The following CSMD2 variants were observed in gnomAD, a reference collection of about 807,000 sequenced individuals.
CSMD2 encodes CUB and Sushi multiple domains 2.
Under a neutral mutation model 398.5 loss-of-function variants are expected in CSMD2, and 130 were observed. The observed-to-expected ratio is 0.33, with a 90% CI of 0.28 to 0.38. The LOEUF (loss-of-function observed/expected upper bound fraction) is 0.38, where lower values mean the gene tolerates loss of function less well. Among genes scored for constraint, CSMD2 ranks in the 10% least tolerant of loss-of-function variants. CSMD2 has a pLI of 1.00. For synonymous variants in CSMD2, 1,828 were observed against 1,908.5 expected (o/e 0.96, Z 1.10); for missense variants, 3,829 against 4,764.9 (o/e 0.80, Z 5.78).
chr1:33,789,669 G>T (rs1186875122), intron 11 of CSMD2, among the ~76,000 whole-genome samples: 1 of 152,248 alleles, frequency 6.6e-6, no homozygotes, highest in African/African-American at 2.4e-5. Flanking sequence ...TTGGGAGGCT[G>T]TTGAGTCAGC....
intron 19 of CSMD2, among the ~76,000 whole-genome samples, chr1:33,721,931 A>G (rs1394205289): frequency 2.0e-5 from 3 of 152,224 alleles, no homozygotes; most frequent in African/African-American, 7.2e-5. Context: ...CTATGCAAAC[A>G]AGGATGTCTT....
intron 2 of CSMD2, among the ~76,000 whole-genome samples, chr1:34,087,985 C>A (rs927481513): frequency 2.6e-5 from 4 of 152,068 alleles, no homozygotes; most frequent in African/African-American, 9.7e-5. Context: ...CCCAGATGCC[C>A]CCCCGCCTCT....
intron 25 of CSMD2, among the ~76,000 whole-genome samples, chr1:33,675,081 T>C (rs1644655696): frequency 1.3e-5 from 2 of 152,138 alleles, no homozygotes; most frequent in Non-Finnish European, 2.9e-5. Flanking sequence ...ATTCAAAAGC[T>C]AGCAGAAGGC....
At chr1:33,952,275 T>C (rs1319698950) in intron 3 of CSMD2, among the ~76,000 whole-genome samples, 1 of 151,892 alleles carries the variant, frequency 6.6e-6, no homozygotes, top group Non-Finnish European at 1.5e-5. Flanking sequence ...ACAGAACCAG[T>C]GGTATTAAGC....
intron 2 of CSMD2, among the ~76,000 whole-genome samples, chr1:34,070,566 G>A (rs978654609): frequency 1.3e-5 from 2 of 152,182 alleles, no homozygotes; most frequent in African/African-American, 4.8e-5. Flanking sequence ...AACATAATGC[G>A]CCTGAGAAGC....
At chr1:33,691,459 T>G (rs369935230) in intron 25 of CSMD2, among the ~76,000 whole-genome samples, 2 of 152,342 alleles carry the variant, frequency 1.3e-5, no homozygotes. Flanking sequence ...TTTGTACATA[T>G]TAAATACTTA....
At chr1:33,823,191 T>C (rs983750288) in intron 7 of CSMD2, among the ~76,000 whole-genome samples, 11 of 152,108 alleles carry the variant, frequency 7.2e-5, no homozygotes, top group Non-Finnish European at 1.3e-4. Context: ...CAGCCCCAGG[T>C]GAAACCCAGG....
chr1:33,820,412 T>C, intron 8 of CSMD2, 57 bp downstream of exon 8: 1 of 1,205,450 alleles, frequency 8.3e-7, no homozygotes. Context: ...CCTGTCTTCC[T>C]CCCAGCCAGG....
In CSMD2 at chr1:33,628,404, C is replaced by T. The variant is rs557784439; in HGVS notation, c.5201-1823G>A. On this transcript the variant is annotated intron_variant, in intron 32 of 70. Coordinates refer to ENST00000373381, the MANE Select transcript of CSMD2 (RefSeq NM_001281956.2). ...TCATTTAAGGCAGGGTGAAGTAGCT[C>T]ACATCTGTGATCCCAACACTTTGGG... Among the ~76,000 whole-genome samples the T allele has an allele frequency of 2.0e-5, 3 of 152,248 alleles. No homozygotes were observed. The South Asian group carries it at 6.2e-4, about 32-fold the overall frequency.
At chr1:33,916,689 T>C (rs1380532859) in intron 5 of CSMD2, among the ~76,000 whole-genome samples, 1 of 152,110 alleles carries the variant, frequency 6.6e-6, no homozygotes. Flanking sequence ...CCAGGAAACT[T>C]GAGTTTTCTG....
Position 33,636,086 on chromosome 1 carries a change from T to A in CSMD2, c.4969+274A>T, listed in dbSNP as rs1642782771. On this transcript the variant is annotated intron_variant, in intron 30 of 70. Coordinates refer to ENST00000373381, the MANE Select transcript of CSMD2 (RefSeq NM_001281956.2). The surrounding 1 kb of genome is among the most constrained non-coding windows in gnomAD (Gnocchi z 4.8). ...CTTCTCCCTGGTGTGAGCTCCCTGA[T>A]GTGGCATGTCTGGGGGCCTCTGTTG... 1.3e-5 allele frequency among the ~76,000 whole-genome samples: 2 copies of A among 152,156 alleles called. No homozygotes were observed. Among genetic ancestry groups the A allele is most frequent in the African/African-American group, 4.8e-5 (2 of 41,426 alleles).
chr1:33,758,099 C>T (rs1649296596), intron 13 of CSMD2, among the ~76,000 whole-genome samples: 1 of 152,146 alleles, frequency 6.6e-6, no homozygotes, highest in Non-Finnish European at 1.5e-5. Context: ...GACCTAAGGC[C>T]CTTGCCAATC....
rs1036065907 is a variant in CSMD2, at chr1:34,164,511, A to G, written c.187+400T>C. On this transcript the variant is annotated intron_variant, in intron 1 of 70. Transcript: ENST00000373381. The surrounding 1 kb of genome is among the most constrained non-coding windows in gnomAD (Gnocchi z 6.2). ...AGCCCCCAGGACCAGCGTGCCTGGC[A>G]GAATCAGGAGCCGGGGGAGTAGGGC... Among the ~76,000 whole-genome samples the G allele has an allele frequency of 3.9e-5, 6 of 152,136 alleles. No homozygotes were observed. The East Asian group carries it at 5.8e-4, about 15-fold the overall frequency.
chr1:33,713,373 G>A (rs1447429112), intron 21 of CSMD2, among the ~76,000 whole-genome samples: 1 of 152,198 alleles, frequency 6.6e-6, no homozygotes, highest in African/African-American at 2.4e-5. Context: ...GCTTTGATCT[G>A]TTTTGTATAT....
At chr1:33,710,125 T>C (rs1045839524) in intron 21 of CSMD2, among the ~76,000 whole-genome samples, 1 of 152,206 alleles carries the variant, frequency 6.6e-6, no homozygotes, top group South Asian at 2.1e-4. Flanking sequence ...GTGGATCCTT[T>C]GGGGCTTGGT....
chr1:33,765,906 C>T (rs945932874), intron 13 of CSMD2, among the ~76,000 whole-genome samples: 3 of 152,194 alleles, frequency 2.0e-5, no homozygotes, highest in African/African-American at 7.2e-5. Context: ...GCCCCATGTC[C>T]CTCCTAGACA....
intron 2 of CSMD2, among the ~76,000 whole-genome samples, chr1:34,082,608 C>T (rs1012966555): frequency 7.9e-5 from 12 of 152,160 alleles, no homozygotes; most frequent in African/African-American, 1.7e-4. Context: ...GCCATGATGA[C>T]GATGGCGGTT....
intron 3 of CSMD2, among the ~76,000 whole-genome samples, chr1:33,939,650 A>T (rs917917426): frequency 6.6e-6 from 1 of 152,218 alleles, no homozygotes; most frequent in Non-Finnish European, 1.5e-5. Flanking sequence ...CTTCTTAAAA[A>T]GTCACTCTCA....
At chr1:33,944,170 T>G (rs1297560964) in intron 3 of CSMD2, among the ~76,000 whole-genome samples, 2 of 152,094 alleles carry the variant, frequency 1.3e-5, no homozygotes, top group Non-Finnish European at 2.9e-5. Context: ...TTGCTGACCC[T>G]GAACTAGTGT....
Sources: allele counts gnomAD v4.1 joint callset (sites outside exome capture counted in the v4.1 genomes callset), GRCh38; gene constraint gnomAD v4.1.1; non-coding constraint Gnocchi (gnomAD v3.1); transcripts MANE v1.5; gene names NCBI Gene and HGNC (gene_info 2026-07-23, HGNC 2026-07-21).